Variants in PTPN11 observed in about 807,000 individuals in gnomAD.
The protein encoded by PTPN11 is tyrosine-protein phosphatase non-receptor type 11.
PTPN11 carries 6 observed loss-of-function variants against 78.8 expected under a neutral mutation model. The ratio of observed to expected loss-of-function variants is 0.08; its 90% CI spans 0.04 to 0.15. The LOEUF is 0.15. Among genes scored for constraint, PTPN11 ranks in the 10% least tolerant of loss-of-function variants. PTPN11 has a pLI of 1.00. For missense variants in PTPN11, 386 were observed against 744.8 expected, an observed-to-expected ratio of 0.52 and a Z score of 5.61; for synonymous variants, 221 against 263.5, an observed-to-expected ratio of 0.84 and a Z score of 1.56.
chr12:112,501,334 G>C (rs2135928059), intron 13 of PTPN11, among the ~76,000 whole-genome samples: 1 of 152,240 alleles, frequency 6.6e-6, no homozygotes, highest in African/African-American at 2.4e-5. Flanking sequence ...AAGTTTTAAA[G>C]GTGGGTCAGG....
At chr12:112,465,158 G>A (rs1364647010) in intron 6 of PTPN11, among the ~76,000 whole-genome samples, 6 of 152,118 alleles carry the variant, frequency 3.9e-5, no homozygotes, top group East Asian at 1.9e-4. Context: ...TGGGCCGGGC[G>A]TGGTGGCTCA....
intron 7 of PTPN11, among the ~76,000 whole-genome samples, chr12:112,477,199 T>C (rs2038518347): frequency 6.6e-6 from 1 of 152,116 alleles, no homozygotes; most frequent in Non-Finnish European, 1.5e-5. Context: ...GTATTTTTAA[T>C]AGAGACAGGG....
chr12:112,461,949 A>G (rs1157351097), intron 6 of PTPN11, among the ~76,000 whole-genome samples: 2 of 152,184 alleles, frequency 1.3e-5, no homozygotes, highest in Non-Finnish European at 2.9e-5. Flanking sequence ...CATTTGTTTT[A>G]TCCCACATTA....
At chr12:112,483,625 G>T (rs1005717694) in intron 10 of PTPN11, among the ~76,000 whole-genome samples, 4 of 152,344 alleles carry the variant, frequency 2.6e-5, no homozygotes, top group Non-Finnish European at 5.9e-5. Context: ...CCTCCACCCT[G>T]TAGAGACTGG....
intron 1 of PTPN11, among the ~76,000 whole-genome samples, chr12:112,441,408 T>C (rs2037888286): frequency 6.6e-6 from 1 of 151,794 alleles, no homozygotes; most frequent in Non-Finnish European, 1.5e-5. Context: ...ACTACAGGCA[T>C]ATGCCACCAC....
At chr12:112,480,332 T>C (rs1165215352) in intron 9 of PTPN11, among the ~76,000 whole-genome samples, 3 of 151,978 alleles carry the variant, frequency 2.0e-5, no homozygotes, top group Non-Finnish European at 4.4e-5. Context: ...GAAAGCTGAA[T>C]TGAGAATCAT....
intron 6 of PTPN11, among the ~76,000 whole-genome samples, chr12:112,459,150 A>C (rs2038209147): frequency 6.6e-6 from 1 of 152,176 alleles, no homozygotes; most frequent in Non-Finnish European, 1.5e-5. Context: ...TTCAGCAGTC[A>C]TTCATTTCAT....
chr12:112,456,956 A>C (rs967778328), intron 6 of PTPN11, among the ~76,000 whole-genome samples: 1 of 152,028 alleles, frequency 6.6e-6, no homozygotes, highest in African/African-American at 2.4e-5. Flanking sequence ...ATTATACTTT[A>C]AGTTCTGGGA....
At chr12:112,455,253 T>G (rs980166432) in intron 5 of PTPN11, among the ~76,000 whole-genome samples, 75 of 149,128 alleles carry the variant, frequency 5.0e-4, no homozygotes, top group African/African-American at 1.7e-3. Flanking sequence ...TTTTTTTTTT[T>G]GAGATGGAGT....
intron 1 of PTPN11, among the ~76,000 whole-genome samples, chr12:112,425,555 T>C (rs1410386270): frequency 6.6e-6 from 1 of 152,224 alleles, no homozygotes; most frequent in East Asian, 1.9e-4. Context: ...TTAGACTTTA[T>C]ACATTTAAAG....
rs187895577 is a variant in PTPN11, at chr12:112,490,654, C to T, written c.1599+1479C>T. On this transcript the variant is annotated intron_variant, in intron 13 of 15. Transcript: ENST00000351677. ...TAGAGACAAGGTCTCACTGTGTTGC[C>T]CAGGCTAGTCTTGAACTCCTGGGCT... 1.8e-3 allele frequency among the ~76,000 whole-genome samples: 278 copies of T among 152,158 alleles called. 1 individual carries two copies. Among genetic ancestry groups the T allele is most frequent in the Non-Finnish European group, 1.6e-3 (106 of 68,010 alleles).
At position 112,419,078 on chromosome 12, in the gene PTPN11, C is replaced by G; in HGVS notation, c.-34C>G. 6.5e-7 allele frequency: 1 copy of G among 1,533,340 alleles called. No individual in the cohort carries two copies. Among genetic ancestry groups the G allele is most frequent in the Non-Finnish European group, 8.8e-7 (1 of 1,142,442 alleles). The allele number at this position is 1,533,340 out of a possible 1,614,324, so 95.0% of individuals were successfully genotyped here. ...AGCCCAGCGGAGCCTGAGCAAGGAG[C>G]GGGTCCGTCGCGGAGCCGGAGGGCG... On this transcript the variant is annotated 5_prime_UTR_variant, in exon 1 of 16. Transcript: ENST00000351677.
At chr12:112,451,128 A>G (rs754058760) in intron 3 of PTPN11, among the ~76,000 whole-genome samples, 20 of 152,074 alleles carry the variant, frequency 1.3e-4, no homozygotes, top group African/African-American at 4.3e-4. Flanking sequence ...TACATTCCCA[A>G]TCTCCTCTCT....
rs140395464 is a variant in PTPN11 at position 112,493,783 on chromosome 12, A to G, written c.1599+4608A>G. On this transcript the variant is annotated intron_variant, in intron 13 of 15. Transcript: ENST00000351677. ...AACTTCAAGTTTGTACCCTTTGACC[A>G]AAGTCTCCTTGTTTTCCCTACCCCC... is the stretch of plus-strand genomic sequence containing the variant. Among the ~76,000 whole-genome samples the G allele has an allele frequency of 8.5e-3, 1,301 of 152,242 alleles. 6 individuals are homozygous for G. Among genetic ancestry groups the G allele is most frequent in the Non-Finnish European group, 0.011 (743 of 68,024 alleles).
At chr12:112,465,486 C>T (rs1168132818) in intron 6 of PTPN11, among the ~76,000 whole-genome samples, 1 of 151,886 alleles carries the variant, frequency 6.6e-6, no homozygotes, top group East Asian at 1.9e-4. Flanking sequence ...GTCCTATAGG[C>T]CTGAGCTGCC....
chr12:112,454,498 G>A (rs1026393315), intron 4 of PTPN11, 66 bp from the exon 5 acceptor site: 15 of 1,157,346 alleles, frequency 1.3e-5, no homozygotes, highest in Non-Finnish European at 1.3e-5. Context: ...GAACATGAGA[G>A]TGCTTGAAAA....
chr12:112,502,634 C>G (rs773245835), intron 14 of PTPN11, among the ~76,000 whole-genome samples: 4 of 152,146 alleles, frequency 2.6e-5, no homozygotes, highest in Non-Finnish European at 5.9e-5. Flanking sequence ...GTAATCCCAG[C>G]TACTCAGGAG....
At chr12:112,428,122 A>G (rs1005927370) in intron 1 of PTPN11, among the ~76,000 whole-genome samples, 7 of 152,116 alleles carry the variant, frequency 4.6e-5, no homozygotes, top group Non-Finnish European at 1.0e-4. Context: ...AGTGCCTACT[A>G]TATACATGTT....
chr12:112,426,017 G>C (rs961036811), intron 1 of PTPN11, among the ~76,000 whole-genome samples: 1 of 152,168 alleles, frequency 6.6e-6, no homozygotes. Flanking sequence ...CAGTATAGCA[G>C]CCTTGAGATG....
Sources: allele counts gnomAD v4.1 joint callset (sites outside exome capture counted in the v4.1 genomes callset), GRCh38; gene constraint gnomAD v4.1.1; transcripts MANE v1.5; gene names NCBI Gene and HGNC (gene_info 2026-07-23, HGNC 2026-07-21).